CFAP299: variants seen among roughly 807,000 people sequenced by gnomAD.
The protein encoded by CFAP299 is cilia- and flagella-associated protein 299.
In CFAP299, 21 loss-of-function variants were observed where a neutral mutation model predicts 27.0. That is an observed-to-expected ratio of 0.78 (90% CI 0.55 to 1.12). CFAP299 has a LOEUF of 1.12. Among genes scored for constraint, CFAP299 ranks in the 50% most tolerant of loss-of-function variants. The pLI is 0.00. For missense variants in CFAP299, 310 were observed against 276.6 expected (o/e 1.12, Z -0.86); for synonymous variants, 104 against 98.1 (o/e 1.06, Z -0.36).
chr4:80,823,635 C>T (rs1185266609), intron 3 of CFAP299, among the ~76,000 whole-genome samples: 2 of 152,072 alleles, frequency 1.3e-5, no homozygotes, highest in Non-Finnish European at 2.9e-5. Flanking sequence ...TGTTTTCATA[C>T]ATTAATTCAA....
intron 3 of CFAP299, among the ~76,000 whole-genome samples, chr4:80,809,437 T>C (rs181410385): frequency 1.3e-5 from 2 of 152,250 alleles, no homozygotes; most frequent in Admixed American, 1.3e-4. Flanking sequence ...TTTTTCTTAA[T>C]GGCTTAAAGA....
intron 3 of CFAP299, among the ~76,000 whole-genome samples, chr4:80,855,896 A>T (rs1731846375): frequency 6.6e-6 from 1 of 151,756 alleles, no homozygotes; most frequent in South Asian, 2.1e-4. Flanking sequence ...TAGCAGCATG[A>T]TTTATAGTCC....
intron 2 of CFAP299, among the ~76,000 whole-genome samples, chr4:80,450,665 T>G (rs528119524): frequency 1.6e-4 from 24 of 152,098 alleles, no homozygotes; most frequent in African/African-American, 5.6e-4. Flanking sequence ...AAATACAGTA[T>G]TTCTGAATAT....
chr4:80,466,199 G>A (rs1021611899), intron 2 of CFAP299, among the ~76,000 whole-genome samples: 7 of 152,086 alleles, frequency 4.6e-5, no homozygotes, highest in African/African-American at 1.7e-4. Flanking sequence ...TGTCACCTTC[G>A]ACCTGAATGG....
At chr4:80,605,161 C>T (rs1737589166) in intron 3 of CFAP299, among the ~76,000 whole-genome samples, 1 of 152,154 alleles carries the variant, frequency 6.6e-6, no homozygotes, top group Non-Finnish European at 1.5e-5. Flanking sequence ...TGTAATTCTA[C>T]TTGCAGTCAT....
chr4:80,913,947 T>C (rs1162625693), intron 4 of CFAP299, among the ~76,000 whole-genome samples: 1 of 152,206 alleles, frequency 6.6e-6, no homozygotes, highest in Non-Finnish European at 1.5e-5. Context: ...CTGAACAGTC[T>C]GTACTGTTTT....
chr4:80,476,637 T>C (rs1397441814), intron 2 of CFAP299, among the ~76,000 whole-genome samples: 1 of 152,186 alleles, frequency 6.6e-6, no homozygotes, highest in African/African-American at 2.4e-5. Context: ...TCTGGGGGTC[T>C]AAATGGGTCC....
At chr4:80,640,146 A>G (rs1015020443) in intron 3 of CFAP299, among the ~76,000 whole-genome samples, 3 of 152,238 alleles carry the variant, frequency 2.0e-5, no homozygotes, top group Admixed American at 6.5e-5. Context: ...AATAAAAAAT[A>G]AATAAACTAA....
chr4:80,650,746 T>C (rs1740236623), intron 3 of CFAP299, among the ~76,000 whole-genome samples: 1 of 152,172 alleles, frequency 6.6e-6, no homozygotes, highest in Non-Finnish European at 1.5e-5. Flanking sequence ...GTATCTTTGT[T>C]TTCTTTTTTG....
At position 80,336,453 on chromosome 4, in the gene CFAP299, C is replaced by T. The variant is rs183342135; in HGVS notation, c.111+574C>T. 219 of 152,646 alleles carry T rather than the reference C, an allele frequency of 1.4e-3. 1 individual carries two copies. The South Asian group carries it at 0.027, about 19-fold the overall frequency. The allele number at this position is 152,646 out of a possible 1,614,324, so 9.5% of individuals were successfully genotyped here. A position where few individuals can be genotyped will look rare whatever the true frequency, so the allele number is the denominator to read the frequency against. ...AGACATATTCCTGATTCAAGTTTAT[C>T]GAGTTGATGATCACAACTAACTTTG... On this transcript the variant is annotated intron_variant, in intron 1 of 5. Coordinates refer to ENST00000358105, the MANE Select transcript of CFAP299 (RefSeq NM_152770.3).
At chr4:80,782,611 T>TGTG (rs1560749067) in intron 3 of CFAP299, among the ~76,000 whole-genome samples, 3 of 126,982 alleles carry the variant, frequency 2.4e-5, no homozygotes, top group Non-Finnish European at 3.4e-5. Flanking sequence ...TATACATATA[T>TGTG]TAATATATAA....
intron 2 of CFAP299, among the ~76,000 whole-genome samples, chr4:80,370,696 C>T (rs113723811): frequency 6.6e-6 from 1 of 152,236 alleles, no homozygotes; most frequent in African/African-American, 2.4e-5. Context: ...GTCTTACATC[C>T]AGGGCATGCT....
chr4:80,554,597 C>A (rs1177718323), intron 2 of CFAP299, among the ~76,000 whole-genome samples: 8 of 147,392 alleles, frequency 5.4e-5, no homozygotes, highest in Admixed American at 4.8e-4. Context: ...GGCAGTATGG[C>A]CATTTTAATG....
intron 3 of CFAP299, among the ~76,000 whole-genome samples, chr4:80,681,435 A>AG (rs1384657111): frequency 1.3e-5 from 2 of 152,050 alleles, no homozygotes; most frequent in Non-Finnish European, 2.9e-5. Flanking sequence ...GGCAAAAAAA[A>AG]AAACTGAGAA....
chr4:80,670,868 C>T (rs1577999154), intron 3 of CFAP299, among the ~76,000 whole-genome samples: 1 of 152,218 alleles, frequency 6.6e-6, no homozygotes, highest in East Asian at 1.9e-4. Context: ...TGTTTATGTT[C>T]TTTGTAGATT....
At position 80,941,651 on chromosome 4, in the gene CFAP299, A is replaced by G. The variant is rs148368321; in HGVS notation, c.477-3159A>G. Among the ~76,000 whole-genome samples the G allele has an allele frequency of 4.1e-3, 618 of 151,498 alleles. 1 individual carries two copies. Among genetic ancestry groups the G allele is most frequent in the Middle Eastern group, 0.014 (4 of 294 alleles). ...ATAAAGAAACATCTGAGACTGGGTC[A>G]TTTATTTAAAAAAACAAAACAAAAC... On this transcript the variant is annotated intron_variant, in intron 4 of 5. Transcript: ENST00000358105.
chr4:80,670,487 C>G (rs1741411942), intron 3 of CFAP299, among the ~76,000 whole-genome samples: 1 of 152,124 alleles, frequency 6.6e-6, no homozygotes, highest in South Asian at 2.1e-4. Context: ...GATTTATAAT[C>G]CTTTGGGTAT....
rs139348700 is a variant in CFAP299 at position 80,842,462 on chromosome 4, C to T, written c.334-27531C>T. 3.8e-3 allele frequency among the ~76,000 whole-genome samples: 578 copies of T among 152,160 alleles called. 3 individuals carry two copies. Among genetic ancestry groups the T allele is most frequent in the African/African-American group, 0.013 (542 of 41,508 alleles). Reference sequence around the variant, plus strand: ...TATATAACTTGAGAAAATTACTTAACGCCTCTTAAATCACAGTTTTCTGTG... The same window carrying T: ...TATATAACTTGAGAAAATTACTTAATGCCTCTTAAATCACAGTTTTCTGTG... On this transcript the variant is annotated intron_variant, in intron 3 of 5. Transcript: ENST00000358105.
At chr4:80,871,214 C>T in intron 4 of CFAP299, 8 of 985,524 alleles carry the variant, frequency 8.1e-6, no homozygotes, top group Non-Finnish European at 9.6e-6. Flanking sequence ...ACTCCCATCT[C>T]CACTGTAATG....
Sources: allele counts gnomAD v4.1 joint callset (sites outside exome capture counted in the v4.1 genomes callset), GRCh38; gene constraint gnomAD v4.1.1; transcripts MANE v1.5; gene names NCBI Gene and HGNC (gene_info 2026-07-23, HGNC 2026-07-21).